CACNA2D2: variants seen among roughly 807,000 people sequenced by gnomAD.
CACNA2D2 encodes calcium voltage-gated channel auxiliary subunit alpha2delta 2.
Under a neutral mutation model 166.4 loss-of-function variants are expected in CACNA2D2, and 48 were observed. The ratio of observed to expected loss-of-function variants is 0.29; its 90% CI spans 0.23 to 0.37. The LOEUF is 0.37. Among genes scored for constraint, CACNA2D2 ranks in the 10% least tolerant of loss-of-function variants. CACNA2D2 has a pLI of 1.00. For missense variants in CACNA2D2, 1,122 were observed against 1,433.0 expected, an observed-to-expected ratio of 0.78 and a Z score of 3.50; for synonymous variants, 561 against 573.7, an observed-to-expected ratio of 0.98 and a Z score of 0.32.
In CACNA2D2 at chr3:50,379,483, G is replaced by A; in HGVS notation, c.1101C>T (p.Gly367=). 6.2e-7 allele frequency: 1 copy of A among 1,613,996 alleles called. No homozygotes were observed. Among genetic ancestry groups the A allele is most frequent in the Non-Finnish European group, 8.5e-7 (1 of 1,180,026 alleles). ...CAAAGCCGGCCTTGTAGCCTGTGGT[G>A]CCCTTGGCCACCATGCCCTGCACAG... ...KEAVQGMVAK[G]TTGYKAGFEY... Residue 367 remains glycine, a synonymous_variant, in exon 11 of 38, where the codon GGC becomes GGT. Coordinates refer to ENST00000424201, the MANE Select transcript of CACNA2D2 (RefSeq NM_006030.4). The surrounding 1 kb of genome is among the most constrained non-coding windows in gnomAD (Gnocchi z 6.5).
In CACNA2D2 at chr3:50,379,408, C is replaced by CA. The variant is rs759877830; in HGVS notation, c.1152+23dup. The CA allele has an allele frequency of 2.4e-5, 39 of 1,610,264 alleles. No individual in the cohort carries two copies. Among genetic ancestry groups the CA allele is most frequent in the Non-Finnish European group, 3.2e-5 (38 of 1,177,584 alleles). ...AGGGCCCTCTACTCCCCCAGCCGCCCACTTGCCCACCCATGGGGCTCACGT... is the reference window on the plus strand; with the variant it reads ...AGGGCCCTCTACTCCCCCAGCCGCCCAACTTGCCCACCCATGGGGCTCACGT... On this transcript the variant is annotated intron_variant, in intron 11 of 37. Transcript: ENST00000424201. This position sits in a 1 kb window ranked among gnomAD's most constrained non-coding sequence, Gnocchi z 6.5.
chr3:50,443,828 G>A (rs1708717552), intron 2 of CACNA2D2, among the ~76,000 whole-genome samples: 1 of 152,220 alleles, frequency 6.6e-6, no homozygotes, highest in Non-Finnish European at 1.5e-5. Flanking sequence ...ACAGTGGGCT[G>A]GGAGTGAAGG....
At chr3:50,373,173 G>C in intron 22 of CACNA2D2, 668 of 889,274 alleles carry the variant, frequency 7.5e-4, no homozygotes, top group Non-Finnish European at 1.0e-3. Flanking sequence ...AAAGGGGAGG[G>C]GCACAAACAA....
intron 2 of CACNA2D2, among the ~76,000 whole-genome samples, chr3:50,470,836 CCT>C (rs1710052484): frequency 2.0e-5 from 3 of 152,074 alleles, no homozygotes; most frequent in Admixed American, 6.5e-5. Flanking sequence ...TATGCATCTG[CCT>C]CTCTCTACCC....
chr3:50,446,090 C>A (rs956802435), intron 2 of CACNA2D2, among the ~76,000 whole-genome samples: 1 of 152,242 alleles, frequency 6.6e-6, no homozygotes, highest in Non-Finnish European at 1.5e-5. Flanking sequence ...TGGCAAACAC[C>A]ATGAGGGCCC....
chr3:50,379,267 C>G lies in CACNA2D2; in HGVS notation c.1153-68G>C, dbSNP rs1286864910. ...TGGTCCAGGGGCAGGGCCTCCCTCC[C>G]GCAGTGGGCCTGGACCTCTGGCCCT... On this transcript the variant is annotated intron_variant, in intron 11 of 37. Coordinates refer to ENST00000424201, the MANE Select transcript of CACNA2D2 (RefSeq NM_006030.4). The surrounding 1 kb of genome is among the most constrained non-coding windows in gnomAD (Gnocchi z 6.5). 11 of 1,476,860 alleles carry G rather than the reference C, an allele frequency of 7.4e-6. No homozygotes were observed. Among genetic ancestry groups the G allele is most frequent in the East Asian group, 2.3e-5 (1 of 43,950 alleles). 91.5% of individuals were successfully genotyped at this position (1,476,860 alleles called of 1,614,324 possible).
At chr3:50,445,295 A>G (rs935318779) in intron 2 of CACNA2D2, among the ~76,000 whole-genome samples, 2 of 152,204 alleles carry the variant, frequency 1.3e-5, no homozygotes, top group African/African-American at 4.8e-5. Context: ...ACTCTGAACC[A>G]GGGTCCCAGG....
Position 50,364,969 on chromosome 3 carries a change from C to T in CACNA2D2, c.3210G>A (p.Ser1070=), listed in dbSNP as rs1390108032. The change falls in exon 37 of 38, where the codon TCG becomes TCA. Residue 1070 remains serine (S), a splice_region_variant and synonymous_variant. Coordinates refer to ENST00000424201, the MANE Select transcript of CACNA2D2 (RefSeq NM_006030.4). The stretch of plus-strand genomic sequence containing the variant: ...CTAGCTCACACTGCTCCGGGCCGTC[C>T]GCTGGGCATGGGTGGGGAGTCAAGG... The part of the protein sequence containing the change: ...AGRLLQKETH[S]DGPEQCELVQ... The T allele has an allele frequency of 6.2e-7, 1 of 1,612,304 alleles. No individual in the cohort carries two copies. The highest frequency in any genetic ancestry group is 8.5e-7 in the Non-Finnish European group (1 of 1,179,650).
rs1165053988 is a variant in CACNA2D2 at position 50,427,438 on chromosome 3, C to T, written c.405+6875G>A. 2.0e-5 allele frequency among the ~76,000 whole-genome samples: 3 copies of T among 152,252 alleles called. No homozygotes were observed. The highest frequency in any genetic ancestry group is 4.8e-5 in the African/African-American group (2 of 41,476). ...GGGGAGAATAATCAGCTGTAAACGC[C>T]GCAATCAGGGAGAAAAGGCTGCTTG... On this transcript the variant is annotated intron_variant, in intron 3 of 37. Coordinates refer to ENST00000424201, the MANE Select transcript of CACNA2D2 (RefSeq NM_006030.4). This position sits in a 1 kb window ranked among gnomAD's most constrained non-coding sequence, Gnocchi z 4.7.
chr3:50,480,502 C>A (rs1698000077), intron 1 of CACNA2D2, among the ~76,000 whole-genome samples: 1 of 151,860 alleles, frequency 6.6e-6, no homozygotes, highest in Non-Finnish European at 1.5e-5. Context: ...GGGGGCACTG[C>A]AGAAGAGGCC....
At chr3:50,390,140 A>G (rs937178680) in intron 4 of CACNA2D2, among the ~76,000 whole-genome samples, 13 of 152,160 alleles carry the variant, frequency 8.5e-5, no homozygotes, top group African/African-American at 3.1e-4. Flanking sequence ...GACTGAGTGC[A>G]GGACCTCAGC....
intron 2 of CACNA2D2, among the ~76,000 whole-genome samples, chr3:50,438,151 G>A (rs544967635): frequency 6.6e-6 from 1 of 152,304 alleles, no homozygotes; most frequent in East Asian, 1.9e-4. Context: ...GAGAACAGGG[G>A]TGGCTGAGGT....
intron 5 of CACNA2D2, among the ~76,000 whole-genome samples, chr3:50,384,905 C>G (rs1419190883): frequency 6.6e-6 from 1 of 152,170 alleles, no homozygotes; most frequent in Non-Finnish European, 1.5e-5. Context: ...GGGAGGCTAA[C>G]CTGGGAGAGC....
At chr3:50,474,353 TCAC>T (rs750885893) in intron 2 of CACNA2D2, among the ~76,000 whole-genome samples, 10 of 152,218 alleles carry the variant, frequency 6.6e-5, no homozygotes, top group Non-Finnish European at 1.0e-4. Context: ...ATTGCTGTTT[TCAC>T]CACTTCATCC....
chr3:50,446,411 T>C (rs1708849491), intron 2 of CACNA2D2, among the ~76,000 whole-genome samples: 3 of 152,236 alleles, frequency 2.0e-5, no homozygotes, highest in Admixed American at 6.5e-5. Flanking sequence ...AATGACTACA[T>C]GGACTTACCA....
chr3:50,442,512 C>T (rs1255390002), intron 2 of CACNA2D2, among the ~76,000 whole-genome samples: 1 of 152,180 alleles, frequency 6.6e-6, no homozygotes, highest in African/African-American at 2.4e-5. Context: ...ACGGAGACAC[C>T]TTCACAGACA....
At chr3:50,399,186 T>C (rs1706314121) in intron 3 of CACNA2D2, among the ~76,000 whole-genome samples, 1 of 152,166 alleles carries the variant, frequency 6.6e-6, no homozygotes, top group Admixed American at 6.5e-5. Flanking sequence ...TGCTCCACAC[T>C]TCTCCTTGGC....
At chr3:50,486,698 C>G (rs893921580) in intron 1 of CACNA2D2, among the ~76,000 whole-genome samples, 2 of 152,220 alleles carry the variant, frequency 1.3e-5, no homozygotes, top group Non-Finnish European at 2.9e-5. Flanking sequence ...ACCCTCTTCT[C>G]AAAGCCACAG....
At chr3:50,473,001 G>C (rs1710162361) in intron 2 of CACNA2D2, among the ~76,000 whole-genome samples, 1 of 152,222 alleles carries the variant, frequency 6.6e-6, no homozygotes, top group African/African-American at 2.4e-5. Context: ...TTGAGGGCAA[G>C]AGTGGGCCAC....
Sources: gnomAD v4.1 joint callset for allele counts (sites outside exome capture counted in the v4.1 genomes callset) on GRCh38, gnomAD v4.1.1 for gene constraint, Gnocchi (gnomAD v3.1) non-coding constraint, MANE v1.5 for transcripts, NCBI Gene and HGNC (gene_info 2026-07-23, HGNC 2026-07-21) for gene names.